The following GRIP2 variants were observed in gnomAD, a reference collection of about 807,000 sequenced individuals.
The protein encoded by GRIP2 is glutamate receptor interacting protein 2, also known as glutamate receptor-interacting protein 2.
GRIP2 carries 58 observed loss-of-function variants against 108.3 expected under a neutral mutation model. That is an observed-to-expected ratio of 0.54 (90% CI 0.43 to 0.67). The LOEUF (loss-of-function observed/expected upper bound fraction) is 0.67. GRIP2 is among the 30% of genes least tolerant of loss of function. The pLI is 0.00. For synonymous variants in GRIP2, 586 were observed against 598.2 expected (o/e 0.98, Z 0.30); for missense variants, 1,278 against 1,430.6 (o/e 0.89, Z 1.72).
chr3:14,498,639 G>T (rs977347228), intron 21 of GRIP2, among the ~76,000 whole-genome samples: 1 of 152,052 alleles, frequency 6.6e-6, no homozygotes, highest in Admixed American at 6.6e-5. Flanking sequence ...TCCTCATTTT[G>T]GGATAATAAG....
At chr3:14,586,071 AAC>A in the GRIP2 span, among the ~76,000 whole-genome samples, 1 of 152,164 alleles carries the variant, frequency 6.6e-6, no homozygotes, top group Non-Finnish European at 1.5e-5. Flanking sequence ...CCGTTCTTCA[AAC>A]ACACCAGGTG....
intron 5 of GRIP2, chr3:14,523,311 T>A: frequency 1.7e-6 from 1 of 578,510 alleles, no homozygotes; most frequent in Non-Finnish European, 3.1e-6. Flanking sequence ...CTCCCTTCTG[T>A]GACCTCACCT....
chr3:14,572,351 C>T, the GRIP2 span, among the ~76,000 whole-genome samples: 5 of 151,720 alleles, frequency 3.3e-5, no homozygotes, highest in African/African-American at 4.8e-5. Context: ...TGGTGGCTCA[C>T]GCCTGTAATC....
chr3:14,552,549 C>T (rs947791189), intron 1 of GRIP2, among the ~76,000 whole-genome samples: 1 of 152,132 alleles, frequency 6.6e-6, no homozygotes, highest in African/African-American at 2.4e-5. Flanking sequence ...CTGCCTGGGT[C>T]CCACCCAAGA....
chr3:14,585,055 C>T, the GRIP2 span, among the ~76,000 whole-genome samples: 1,612 of 152,320 alleles, frequency 0.011, 13 homozygotes, highest in Middle Eastern at 0.031. Context: ...GATGGAGTCT[C>T]GCTCTGTTGC....
chr3:14,550,666 C>T (rs141128780), intron 1 of GRIP2, among the ~76,000 whole-genome samples: 3 of 152,274 alleles, frequency 2.0e-5, no homozygotes, highest in African/African-American at 4.8e-5. Flanking sequence ...GTAGGGCTTG[C>T]GGTCTTTAGG....
chr3:14,526,154 C>T (rs373502592), intron 1 of GRIP2, among the ~76,000 whole-genome samples: 18 of 152,204 alleles, frequency 1.2e-4, no homozygotes, highest in African/African-American at 4.1e-4. Flanking sequence ...TTGAGCACTA[C>T]ACTACATATT....
chr3:14,525,885 G>A lies in GRIP2; in HGVS notation c.87C>T (p.Asp29=), dbSNP rs749908803. The change falls in exon 2 of 24, where the codon GAC becomes GAT. Residue 29 remains aspartate (D), a synonymous_variant. Coordinates refer to ENST00000621039, the MANE Select transcript of GRIP2 (RefSeq NM_001080423.4). ...TCTGTCTGCGGCACGCCAGGGAAAC[G>A]TCGGCCCCTCCTGCGTCCTTGCCTC... ...SKGGKDAGGA[D]VSLACRRQSI... is the part of the protein sequence containing the mutation. The A allele has an allele frequency of 1.3e-5, 21 of 1,562,038 alleles. No homozygotes were observed. Among genetic ancestry groups the A allele is most frequent in the South Asian group, 9.5e-5 (8 of 84,600 alleles).
At chr3:14,502,935 T>C (rs1693806522) in intron 21 of GRIP2, among the ~76,000 whole-genome samples, 1 of 152,166 alleles carries the variant, frequency 6.6e-6, no homozygotes, top group African/African-American at 2.4e-5. Context: ...AAAACACAGA[T>C]AAAATAGAGA....
In GRIP2 at chr3:14,491,263, C is replaced by T. The variant is rs1701328814; in HGVS notation, c.*2402G>A. 1 of 152,176 alleles carries T rather than the reference C, an allele frequency of 6.6e-6. No homozygotes were observed. The highest frequency in any genetic ancestry group is 6.5e-5 in the Admixed American group (1 of 15,282). 9.4% of individuals were successfully genotyped at this position (152,176 alleles called of 1,614,324 possible). On this transcript the variant is annotated 3_prime_UTR_variant, in exon 24 of 24. Transcript: ENST00000621039. The stretch of plus-strand genomic sequence containing the variant: ...GTGGGACAAAGACTTAGACGAGGGC[C>T]CCAAACAGACCATAAGCGGCCTTTG...
In GRIP2 at chr3:14,511,018, C is replaced by G. The variant is rs1455643584; in HGVS notation, c.1933+147G>C. ...CAGTGAGAAATCTGTGGTGTTGCCC[C>G]CTCCTTCATTTGTTCATTCCAGCCA... On this transcript the variant is annotated intron_variant, in intron 16 of 23. Transcript: ENST00000621039. This position sits in a 1 kb window ranked among gnomAD's most constrained non-coding sequence, Gnocchi z 4.1. 1.1e-6 allele frequency: 1 copy of G among 938,996 alleles called. No homozygotes were observed. The highest frequency in any genetic ancestry group is 1.7e-5 in the African/African-American group (1 of 60,366). The allele number at this position is 938,996 out of a possible 1,614,324, so 58.2% of individuals were successfully genotyped here.
chr3:14,568,077 G>A, the GRIP2 span, among the ~76,000 whole-genome samples: 1 of 152,214 alleles, frequency 6.6e-6, no homozygotes, highest in South Asian at 2.1e-4. Context: ...GGATGTCAGT[G>A]GGGTCCCAGG....
Position 14,512,999 on chromosome 3 carries a change from G to C in GRIP2, c.1640-142C>G. ...CTCATCCCCCTGCTTCCTCTCAACA[G>C]AGGAGGAAACTGAGGCAGAGTGAGC... is the stretch of plus-strand genomic sequence containing the variant. On this transcript the variant is annotated intron_variant, in intron 13 of 23. Coordinates refer to ENST00000621039, the MANE Select transcript of GRIP2 (RefSeq NM_001080423.4). The surrounding 1 kb of genome is among the most constrained non-coding windows in gnomAD (Gnocchi z 5.1). The C allele has an allele frequency of 1.4e-6, 1 of 726,600 alleles. No individual in the cohort carries two copies. The highest frequency in any genetic ancestry group is 2.4e-6 in the Non-Finnish European group (1 of 417,174). 45.0% of individuals were successfully genotyped at this position (726,600 alleles called of 1,614,324 possible). A position where few individuals can be genotyped will look rare whatever the true frequency, so the allele number is the denominator to read the frequency against.
chr3:14,561,621 TG>T, the GRIP2 span, among the ~76,000 whole-genome samples: 1 of 152,242 alleles, frequency 6.6e-6, no homozygotes, highest in Non-Finnish European at 1.5e-5. Flanking sequence ...TTTCCATTCC[TG>T]CCTCAGCTTC....
At chr3:14,601,613 GCTGT>G in the GRIP2 span, among the ~76,000 whole-genome samples, 1 of 152,178 alleles carries the variant, frequency 6.6e-6, no homozygotes, top group Non-Finnish European at 1.5e-5. Context: ...AGGCTTAATG[GCTGT>G]CTAAGCAAGA....
chr3:14,518,096 C>T (rs978426149), intron 9 of GRIP2, among the ~76,000 whole-genome samples, 199 bp from the exon 10 acceptor site: 1 of 152,206 alleles, frequency 6.6e-6, no homozygotes, highest in Admixed American at 6.5e-5. Flanking sequence ...CACATGGCAG[C>T]CTGAGAGGCA....
At chr3:14,497,666 G>A (rs1387627817) in intron 21 of GRIP2, among the ~76,000 whole-genome samples, 2 of 151,548 alleles carry the variant, frequency 1.3e-5, no homozygotes, top group Non-Finnish European at 2.9e-5. Flanking sequence ...ACCAATGTGT[G>A]GATCTAGAAG....
the GRIP2 span, among the ~76,000 whole-genome samples, chr3:14,592,477 G>A: frequency 1.3e-5 from 2 of 152,334 alleles, no homozygotes; most frequent in South Asian, 4.1e-4. Context: ...TCTTTAAACA[G>A]TCGACCCCAC....
At chr3:14,589,725 T>C in the GRIP2 span, among the ~76,000 whole-genome samples, 3 of 151,936 alleles carry the variant, frequency 2.0e-5, no homozygotes, top group Non-Finnish European at 1.5e-5. Context: ...TACCCACTTA[T>C]TGTAGATGTC....
Sources: gnomAD v4.1 joint callset for allele counts (sites outside exome capture counted in the v4.1 genomes callset) on GRCh38, gnomAD v4.1.1 for gene constraint, Gnocchi (gnomAD v3.1) non-coding constraint, MANE v1.5 for transcripts, NCBI Gene and HGNC (gene_info 2026-07-23, HGNC 2026-07-21) for gene names.